Variants in DVL1 observed in about 807,000 individuals in gnomAD.
DVL1 encodes the protein dishevelled segment polarity protein 1.
A neutral mutation model predicts 65.0 loss-of-function variants in DVL1; 49 were observed. The observed-to-expected ratio is 0.75, with a 90% CI of 0.60 to 0.96. The LOEUF is 0.96. Ranked by LOEUF, DVL1 falls within the 40% of genes least tolerant of loss-of-function variation. The probability of loss-of-function intolerance (pLI) is 0.00; values close to 1 mark genes in which losing one functional copy is unlikely to be tolerated. For synonymous variants in DVL1, 608 were observed against 433.9 expected (o/e 1.40, Z -4.99); for missense variants, 1,197 against 1,045.4 (o/e 1.15, Z -2.00).
intron 1 of DVL1, among the ~76,000 whole-genome samples, chr1:1,347,220 C>T (rs1195859717): frequency 6.6e-6 from 1 of 152,130 alleles, no homozygotes; most frequent in Non-Finnish European, 1.5e-5. Flanking sequence ...ACCTCTGCAG[C>T]CCCACTGACT....
rs1461437252 is a variant in DVL1, at chr1:1,342,678, CAG to C, written c.240+9_240+10del. 7 of 1,612,706 alleles carry C rather than the reference CAG, an allele frequency of 4.3e-6. No homozygotes were observed. The highest frequency in any genetic ancestry group is 5.9e-6 in the Non-Finnish European group (7 of 1,179,612). ...CAGGCGAGCCTTCGGGGCCAAGACA[CAG>C]GGGCTCACCCAGGAGACCACGCGGC... is the stretch of plus-strand genomic sequence containing the variant. On this transcript the variant is annotated intron_variant, in intron 2 of 14. Coordinates refer to ENST00000378888, the MANE Select transcript of DVL1 (RefSeq NM_001330311.2).
chr1:1,337,107 G>A lies in DVL1; in HGVS notation c.1715-592C>T, dbSNP rs1046513571. The A allele has an allele frequency of 3.0e-6, 3 of 987,716 alleles. No individual in the cohort carries two copies. The East Asian group carries it at 3.4e-4, about 112-fold the overall frequency. 61.2% of individuals were successfully genotyped at this position (987,716 alleles called of 1,614,324 possible). On this transcript the variant is annotated intron_variant, in intron 14 of 14. Transcript: ENST00000378888. ...CACGAGTTACACGCCCGGCTGCCTG[G>A]CACCTGCCCAGCACCCACCCGCCAC...
At chr1:1,343,409 C>T (rs1418619178) in intron 1 of DVL1, among the ~76,000 whole-genome samples, 1 of 152,216 alleles carries the variant, frequency 6.6e-6, no homozygotes, top group Non-Finnish European at 1.5e-5. Flanking sequence ...CTCCACCTCC[C>T]AGCCAGCTCC....
intron 1 of DVL1, among the ~76,000 whole-genome samples, chr1:1,348,463 T>G (rs1643955364): frequency 6.6e-6 from 1 of 152,176 alleles, no homozygotes; most frequent in Admixed American, 6.5e-5. Context: ...GGGAAGCTTC[T>G]GCAAACCCTA....
chr1:1,340,833 G>A (rs1643780068), intron 5 of DVL1, among the ~76,000 whole-genome samples: 1 of 124,566 alleles, frequency 8.0e-6, no homozygotes, highest in South Asian at 2.5e-4. Flanking sequence ...ACACACACCT[G>A]CACACACGCA....
In DVL1 at chr1:1,339,419, C is replaced by T; in HGVS notation, c.1075G>A (p.Asp359Asn). The T allele has an allele frequency of 6.5e-6, 10 of 1,546,248 alleles. No homozygotes were observed. The highest frequency in any genetic ancestry group is 2.4e-5 in the South Asian group (2 of 83,854). ...VPRADPVRPI[D>N]PAAWLSHTAA... ...GTGTGGGACAGCCAGGCGGCGGGGTCGATGGGCCGCACCGGGTCAGCTGGG... is the reference window on the plus strand; with the variant it reads ...GTGTGGGACAGCCAGGCGGCGGGGTTGATGGGCCGCACCGGGTCAGCTGGG... The change falls in exon 11 of 15, where the codon GAC (aspartate) becomes AAC (asparagine). Residue 359 changes from aspartate to asparagine, a missense_variant. Asp to Asn is a conservative substitution (Grantham distance 23). Transcript: ENST00000378888.
chr1:1,347,471 C>A (rs892767452), intron 1 of DVL1, among the ~76,000 whole-genome samples: 1 of 152,194 alleles, frequency 6.6e-6, no homozygotes. Flanking sequence ...GAGCAGAAGG[C>A]GGACTCCCCC....
At chr1:1,338,916 C>A (rs185620487) in intron 11 of DVL1, among the ~76,000 whole-genome samples, 4 of 152,370 alleles carry the variant, frequency 2.6e-5, no homozygotes, top group Non-Finnish European at 4.4e-5. Flanking sequence ...CCCCACCCTG[C>A]AGACCAGGAA....
In DVL1 at chr1:1,336,472, C is replaced by G; in HGVS notation, c.1758G>C (p.Pro586=). 1.3e-6 allele frequency: 2 copies of G among 1,551,318 alleles called. No homozygotes were observed. Among genetic ancestry groups the G allele is most frequent in the Admixed American group, 1.9e-5 (1 of 52,388 alleles). The change falls in exon 15 of 15, where the codon CCG becomes CCC. Residue 586 remains proline, a synonymous_variant. Coordinates refer to ENST00000378888, the MANE Select transcript of DVL1 (RefSeq NM_001330311.2). ...CCGCCCGACGCTCCTTCTCACGGCC[C>G]GGGGCCCGGCGGCTGCTCCGGGTGG... is the stretch of plus-strand genomic sequence containing the variant. ...SGSTRSSRRA[P]GREKERRAAG...
At position 1,342,269 on chromosome 1, in the gene DVL1, G is replaced by T. The variant is rs146525333; in HGVS notation, c.362+94C>A. The stretch of plus-strand genomic sequence containing the variant: ...CCCAGCCCCAGCAGGTGCCACGCCC[G>T]CCTACTGGCCCAGGCAGGCCTCCCT... On this transcript the variant is annotated intron_variant, in intron 3 of 14. Transcript: ENST00000378888. The T allele has an allele frequency of 0.036, 54,123 of 1,494,296 alleles. 1,834 individuals carry two copies. The highest frequency in any genetic ancestry group is 0.14 in the African/African-American group (9,786 of 72,450). The allele number at this position is 1,494,296 out of a possible 1,614,324, so 92.6% of individuals were successfully genotyped here. A position where few individuals can be genotyped will look rare whatever the true frequency, so the allele number is the denominator to read the frequency against.
At chr1:1,341,101 ACACACCTGCACACG>A (rs1310796424) in intron 5 of DVL1, among the ~76,000 whole-genome samples, 2 of 146,616 alleles carry the variant, frequency 1.4e-5, no homozygotes, top group African/African-American at 2.6e-5. Context: ...GCACACCTGC[ACACACCTGCACACG>A]CACGCCTGCA....
chr1:1,337,422 G>A (rs1048990029), intron 14 of DVL1, among the ~76,000 whole-genome samples: 1 of 152,116 alleles, frequency 6.6e-6, no homozygotes, highest in Non-Finnish European at 1.5e-5. Context: ...GGGGCACAAG[G>A]CTAGGATGCA....
chr1:1,344,651 C>T (rs1284712877), intron 1 of DVL1, among the ~76,000 whole-genome samples: 1 of 152,210 alleles, frequency 6.6e-6, no homozygotes, highest in Non-Finnish European at 1.5e-5. Context: ...TCCACGTCTG[C>T]TGCCCCCACA....
Position 1,341,810 on chromosome 1 carries a change from G to A in DVL1, c.467-5C>T, listed in dbSNP as rs746483212. On this transcript the variant is annotated splice_polypyrimidine_tract_variant and splice_region_variant and intron_variant, in intron 4 of 14. Coordinates refer to ENST00000378888, the MANE Select transcript of DVL1 (RefSeq NM_001330311.2). ...GGTGCCCATTGGTCCGGGCGGCTGTGGGGGCAGCAGGTTGGGAACTGACTG... is the reference window on the plus strand; with the variant it reads ...GGTGCCCATTGGTCCGGGCGGCTGTAGGGGCAGCAGGTTGGGAACTGACTG... 2 of 1,571,854 alleles carry A rather than the reference G, an allele frequency of 1.3e-6. No homozygotes were observed. Among genetic ancestry groups the A allele is most frequent in the African/African-American group, 1.3e-5 (1 of 74,240 alleles).
rs372150438 is a variant in DVL1 at position 1,338,312 on chromosome 1, G to C, written c.1464C>G (p.Thr488=). 6 of 1,610,160 alleles carry C rather than the reference G, an allele frequency of 3.7e-6. 1 individual carries two copies. The highest frequency in any genetic ancestry group is 3.3e-5 in the South Asian group (3 of 90,940). The change falls in exon 13 of 15, where the codon ACC becomes ACG. Residue 488 remains threonine (T), a synonymous_variant. Coordinates refer to ENST00000378888, the MANE Select transcript of DVL1 (RefSeq NM_001330311.2). The part of the protein sequence containing the change: ...GFLRHTVNKI[T]FSEQCYYVFG... ...AGACGTAGTAGCACTGCTCGGAGAA[G>C]GTGATCTTGTTGACCGTGTGCCGCA... is the stretch of plus-strand genomic sequence containing the variant.
chr1:1,342,436 C>G lies in DVL1; in HGVS notation c.289G>C (p.Asp97His). 1 of 1,602,146 alleles carries G rather than the reference C, an allele frequency of 6.2e-7. No homozygotes were observed. The highest frequency in any genetic ancestry group is 1.1e-5 in the South Asian group (1 of 89,744). ...AHSDAGSQGTDSHTDLPPPLE... is the reference protein window; with the variant it reads ...AHSDAGSQGTHSHTDLPPPLE... Reference sequence around the variant, plus strand: ...GGCGGGGGCAGGTCTGTGTGGCTGTCCGTGCCCTGGGACCCCGCATCCGAG... The same window carrying G: ...GGCGGGGGCAGGTCTGTGTGGCTGTGCGTGCCCTGGGACCCCGCATCCGAG... The change falls in exon 3 of 15, where the codon GAC (aspartate) becomes CAC (histidine). Residue 97 changes from aspartate to histidine, a missense_variant. Transcript: ENST00000378888.
intron 5 of DVL1, among the ~76,000 whole-genome samples, 166 bp from the exon 6 acceptor site, chr1:1,340,669 A>G (rs1357674909): frequency 2.6e-5 from 4 of 152,234 alleles, no homozygotes; most frequent in African/African-American, 7.2e-5. Flanking sequence ...TGATATGCAT[A>G]TGAGCACACA....
At chr1:1,339,074 A>G (rs1426245574) in intron 11 of DVL1, among the ~76,000 whole-genome samples, 6 of 152,208 alleles carry the variant, frequency 3.9e-5, no homozygotes, top group African/African-American at 1.4e-4. Flanking sequence ...GGCCCTACGT[A>G]CATCCCCTGT....
chr1:1,346,830 C>A (rs146301796), intron 1 of DVL1, among the ~76,000 whole-genome samples: 1 of 152,198 alleles, frequency 6.6e-6, no homozygotes, highest in Non-Finnish European at 1.5e-5. Flanking sequence ...CCACCCCAGA[C>A]CAGCGAGGAC....
Sources: allele counts gnomAD v4.1 joint callset (sites outside exome capture counted in the v4.1 genomes callset), GRCh38; gene constraint gnomAD v4.1.1; transcripts MANE v1.5; gene names NCBI Gene and HGNC (gene_info 2026-07-23, HGNC 2026-07-21).